Variants in MAST4 observed in about 807,000 individuals in gnomAD.
The protein encoded by MAST4 is microtubule-associated serine/threonine-protein kinase 4.
Under a neutral mutation model 162.7 loss-of-function variants are expected in MAST4, and 89 were observed. The ratio of observed to expected loss-of-function variants is 0.55; its 90% CI spans 0.46 to 0.65. The LOEUF (loss-of-function observed/expected upper bound fraction) is 0.65, where lower values mean the gene tolerates loss of function less well. Among genes scored for constraint, MAST4 ranks in the 30% least tolerant of loss-of-function variants. MAST4 has a pLI of 0.00. For missense variants in MAST4, 3,153 were observed against 3,374.0 expected (o/e 0.93, Z 1.62); for synonymous variants, 1,479 against 1,361.1 (o/e 1.09, Z -1.91).
At chr5:66,956,546 T>C (rs371823495) in intron 4 of MAST4, among the ~76,000 whole-genome samples, 272 of 152,310 alleles carry the variant, frequency 1.8e-3, no homozygotes, top group African/African-American at 6.0e-3. Context: ...GTGTAACTCA[T>C]AGGGAATGCA....
intron 1 of MAST4, among the ~76,000 whole-genome samples, chr5:66,740,314 G>A (rs1580336907): frequency 6.6e-6 from 1 of 152,230 alleles, no homozygotes. Context: ...AACATTGGCT[G>A]ATGATTGATC....
At chr5:67,041,686 T>C (rs1756760762) in intron 4 of MAST4, among the ~76,000 whole-genome samples, 2 of 152,234 alleles carry the variant, frequency 1.3e-5, no homozygotes, top group Admixed American at 6.5e-5. Flanking sequence ...TGGAGTGCAG[T>C]GGTGCGATCT....
rs149796776 is a variant in MAST4, at chr5:67,167,761, A to C, written c.*710A>C. 6.6e-6 allele frequency: 1 copy of C among 152,374 alleles called. No individual in the cohort carries two copies. Among genetic ancestry groups the C allele is most frequent in the African/African-American group, 2.4e-5 (1 of 41,588 alleles). 9.4% of individuals were successfully genotyped at this position (152,374 alleles called of 1,614,324 possible). On this transcript the variant is annotated 3_prime_UTR_variant, in exon 29 of 29. Transcript: ENST00000403625. The stretch of plus-strand genomic sequence containing the variant: ...GAATCCTCCTCCATTAGGAATGGCC[A>C]GGACAAGTGGAGCTAGCCATTTTCA...
At chr5:66,971,271 CAG>C (rs1383907536) in intron 4 of MAST4, among the ~76,000 whole-genome samples, 2 of 152,096 alleles carry the variant, frequency 1.3e-5, no homozygotes, top group Non-Finnish European at 2.9e-5. Context: ...TTGTTTTAGA[CAG>C]AGCCTAGGTG....
intron 3 of MAST4, among the ~76,000 whole-genome samples, chr5:66,848,759 C>T (rs1469998153): frequency 6.6e-6 from 1 of 152,130 alleles, no homozygotes; most frequent in Non-Finnish European, 1.5e-5. Flanking sequence ...CCTCTTCTCT[C>T]CAGTGTGTTT....
intron 2 of MAST4, among the ~76,000 whole-genome samples, chr5:66,788,197 C>T (rs538166792): frequency 6.6e-6 from 1 of 152,146 alleles, no homozygotes; most frequent in African/African-American, 2.4e-5. Flanking sequence ...GGAGAGGCAC[C>T]AGCCCCATTT....
chr5:66,751,660 A>G (rs918438613), intron 1 of MAST4, among the ~76,000 whole-genome samples: 1 of 150,878 alleles, frequency 6.6e-6, no homozygotes, highest in Non-Finnish European at 1.5e-5. Flanking sequence ...GACCAAATCT[A>G]TGTCTGATTG....
At position 67,103,832 on chromosome 5, in the gene MAST4, G is replaced by T. The variant is rs1236212456; in HGVS notation, c.1147-534G>T. Among the ~76,000 whole-genome samples, 3 of 152,186 alleles carry T rather than the reference G, an allele frequency of 2.0e-5. No individual in the cohort carries two copies. In the East Asian group the frequency reaches 5.8e-4, roughly 29 times the overall value. The stretch of plus-strand genomic sequence containing the variant: ...AAAGAAATGTTTGATATTTTGGACA[G>T]TCCATCTGAAAGAGCCCAAGATCTT... On this transcript the variant is annotated intron_variant, in intron 9 of 28. Coordinates refer to ENST00000403625, the MANE Select transcript of MAST4 (RefSeq NM_001164664.2).
intron 1 of MAST4, among the ~76,000 whole-genome samples, chr5:66,600,838 T>C (rs148016971): frequency 9.2e-4 from 140 of 152,330 alleles, no homozygotes; most frequent in African/African-American, 3.1e-3. Flanking sequence ...TTATTAGAAC[T>C]TGAAACGTGC....
chr5:66,822,605 C>T (rs1757046855), intron 3 of MAST4, among the ~76,000 whole-genome samples: 1 of 152,152 alleles, frequency 6.6e-6, no homozygotes, highest in African/African-American at 2.4e-5. Context: ...CCTCTTCCTC[C>T]ACCCCTCCTG....
chr5:66,632,819 A>G (rs1184994020), intron 1 of MAST4, among the ~76,000 whole-genome samples: 1 of 152,242 alleles, frequency 6.6e-6, no homozygotes, highest in African/African-American at 2.4e-5. Flanking sequence ...TGTTTTATAT[A>G]TAGATAGGCA....
At chr5:66,840,467 A>G (rs1448052132) in intron 3 of MAST4, among the ~76,000 whole-genome samples, 1 of 152,164 alleles carries the variant, frequency 6.6e-6, no homozygotes, top group East Asian at 1.9e-4. Flanking sequence ...GCTAAGAGAC[A>G]ATATGGTTAC....
chr5:66,720,257 A>G (rs1200821610), intron 1 of MAST4, among the ~76,000 whole-genome samples: 1 of 152,144 alleles, frequency 6.6e-6, no homozygotes, highest in Non-Finnish European at 1.5e-5. Context: ...TACCAACGTT[A>G]TGCTGACTTC....
chr5:66,818,433 A>T (rs1338751846), intron 3 of MAST4, among the ~76,000 whole-genome samples: 1 of 151,880 alleles, frequency 6.6e-6, no homozygotes, highest in Non-Finnish European at 1.5e-5. Flanking sequence ...CTAAAAATAA[A>T]AAAAAAAACA....
chr5:66,947,178 T>C (rs746897155), intron 4 of MAST4, among the ~76,000 whole-genome samples: 5 of 152,146 alleles, frequency 3.3e-5, no homozygotes, highest in Non-Finnish European at 7.4e-5. Flanking sequence ...CACCTCTGGA[T>C]TCTTTATTGT....
chr5:66,979,260 T>C (rs1350868522), intron 4 of MAST4, among the ~76,000 whole-genome samples: 3 of 152,126 alleles, frequency 2.0e-5, no homozygotes, highest in African/African-American at 7.2e-5. Flanking sequence ...ATAATGTAGA[T>C]GAAGGTGTAG....
At chr5:67,098,334 T>C (rs1241745241) in intron 7 of MAST4, among the ~76,000 whole-genome samples, 4 of 152,198 alleles carry the variant, frequency 2.6e-5, no homozygotes, top group Admixed American at 2.0e-4. Context: ...TTGTGGTTTC[T>C]TGAAACATCA....
intron 1 of MAST4, among the ~76,000 whole-genome samples, chr5:66,653,648 T>C (rs1208177399): frequency 6.6e-6 from 1 of 152,200 alleles, no homozygotes; most frequent in East Asian, 1.9e-4. Context: ...CATCTCCTCC[T>C]TGGCATCTGC....
At chr5:66,954,189 G>A (rs1745025589) in intron 4 of MAST4, among the ~76,000 whole-genome samples, 1 of 152,170 alleles carries the variant, frequency 6.6e-6, no homozygotes, top group African/African-American at 2.4e-5. Flanking sequence ...CTACTCTAGT[G>A]TAGCCTTAGG....
Sources: gnomAD v4.1 joint callset for allele counts (sites outside exome capture counted in the v4.1 genomes callset) on GRCh38, gnomAD v4.1.1 for gene constraint, MANE v1.5 for transcripts, NCBI Gene and HGNC (gene_info 2026-07-23, HGNC 2026-07-21) for gene names.